The following POU6F2 variants were observed in gnomAD, a reference collection of about 807,000 sequenced individuals.
POU6F2 encodes POU class 6 homeobox 2, also known as POU domain, class 6, transcription factor 2.
Under a neutral mutation model 71.3 loss-of-function variants are expected in POU6F2, and 31 were observed. The ratio of observed to expected loss-of-function variants is 0.43; its 90% CI spans 0.33 to 0.59. The LOEUF (loss-of-function observed/expected upper bound fraction) is 0.59, where lower values mean the gene tolerates loss of function less well. Among genes scored for constraint, POU6F2 ranks in the 20% least tolerant of loss-of-function variants. The pLI is 0.04. For missense variants in POU6F2, 783 were observed against 856.8 expected (o/e 0.91, Z 1.07); for synonymous variants, 347 against 355.7 (o/e 0.98, Z 0.27).
In POU6F2 at chr7:39,433,427, T is replaced by C. The variant is rs1345433479; in HGVS notation, c.1320+144T>C. On this transcript the variant is annotated intron_variant, in intron 7 of 9. Transcript: ENST00000518318. ...TCTGAACATATCGATACTTATAAAA[T>C]GGCATGTAACTCTTTTTCATTCTTA... 4.6e-6 allele frequency: 4 copies of C among 862,812 alleles called. No homozygotes were observed. In the African/African-American group the frequency reaches 6.8e-5, roughly 15 times the overall value. The allele number at this position is 862,812 out of a possible 1,614,324, so 53.4% of individuals were successfully genotyped here. A position where few individuals can be genotyped will look rare whatever the true frequency, so the allele number is the denominator to read the frequency against.
chr7:39,179,531 G>GCA lies in POU6F2; in HGVS notation c.278-24703_278-24702insAC, dbSNP rs1793396334. Among the ~76,000 whole-genome samples the GCA allele has an allele frequency of 2.0e-5, 3 of 151,418 alleles. No individual in the cohort carries two copies. The East Asian group carries it at 5.8e-4, about 29-fold the overall frequency. Reference sequence around the variant, plus strand: ...ACTGAGACCGCACGCGCGCACATGCGCGCACACACACACACACACGCACAC... The same window carrying GCA: ...ACTGAGACCGCACGCGCGCACATGCGCACGCACACACACACACACACGCACAC... On this transcript the variant is annotated intron_variant, in intron 2 of 9. Coordinates refer to ENST00000518318, the MANE Select transcript of POU6F2 (RefSeq NM_001370959.1).
At chr7:39,309,382 G>C (rs114027902) in intron 4 of POU6F2, among the ~76,000 whole-genome samples, 2,076 of 152,294 alleles carry the variant, frequency 0.014, 40 homozygotes, top group African/African-American at 0.047. Flanking sequence ...ATTCAGTAGA[G>C]AAGAGGCAGG....
intron 4 of POU6F2, among the ~76,000 whole-genome samples, chr7:39,297,190 T>TAC (rs1554339590): frequency 3.4e-5 from 4 of 118,108 alleles, no homozygotes; most frequent in Non-Finnish European, 3.8e-5. Flanking sequence ...CAAACACACA[T>TAC]ACACATACAC....
At chr7:39,317,131 G>T (rs891029741) in intron 4 of POU6F2, among the ~76,000 whole-genome samples, 2 of 152,190 alleles carry the variant, frequency 1.3e-5, no homozygotes, top group Non-Finnish European at 2.9e-5. Flanking sequence ...CCCCTCCGCA[G>T]TAAGTTATCC....
chr7:39,396,784 C>T (rs1470120875), intron 5 of POU6F2, among the ~76,000 whole-genome samples: 5 of 152,110 alleles, frequency 3.3e-5, no homozygotes, highest in African/African-American at 1.2e-4. Context: ...AAGGCAGCCT[C>T]TTCAGCTTAG....
intron 4 of POU6F2, among the ~76,000 whole-genome samples, chr7:39,293,666 G>C (rs1784803012): frequency 6.6e-6 from 1 of 152,178 alleles, no homozygotes; most frequent in Non-Finnish European, 1.5e-5. Context: ...GGTGGAGTGG[G>C]CCAAGTCTTT....
chr7:39,171,764 C>T (rs1584581499), intron 2 of POU6F2, among the ~76,000 whole-genome samples: 2 of 152,190 alleles, frequency 1.3e-5, no homozygotes, highest in African/African-American at 2.4e-5. Context: ...GTGTAGACAG[C>T]AGCACCATCC....
intron 1 of POU6F2, among the ~76,000 whole-genome samples, chr7:39,005,919 C>A (rs1789052198): frequency 6.6e-6 from 1 of 152,150 alleles, no homozygotes; most frequent in Admixed American, 6.5e-5. Flanking sequence ...TATCCTCACA[C>A]GAATTCATAT....
intron 6 of POU6F2, among the ~76,000 whole-genome samples, chr7:39,429,590 T>TACAGAGAGAAGC (rs139478749): frequency 5.8e-4 from 88 of 152,302 alleles, no homozygotes; most frequent in African/African-American, 2.0e-3. Context: ...GAAGCAGTAT[T>TACAGAGAGAAGC]AGGCTGCTCT....
At chr7:39,213,135 G>A (rs1469412526) in intron 4 of POU6F2, among the ~76,000 whole-genome samples, 2 of 152,212 alleles carry the variant, frequency 1.3e-5, no homozygotes, top group Non-Finnish European at 2.9e-5. Context: ...TTCCAGTTAA[G>A]TCAAGCATAA....
chr7:39,284,278 T>C (rs1784614236), intron 4 of POU6F2, among the ~76,000 whole-genome samples: 1 of 152,208 alleles, frequency 6.6e-6, no homozygotes, highest in Non-Finnish European at 1.5e-5. Context: ...CCCAAAGTCT[T>C]CACAGTAGGG....
chr7:39,220,357 T>G (rs1794324435), intron 4 of POU6F2, among the ~76,000 whole-genome samples: 4 of 152,230 alleles, frequency 2.6e-5, no homozygotes, highest in Admixed American at 2.6e-4. Context: ...CTCTTTCTTT[T>G]GCAACTTGAT....
At chr7:39,383,593 T>C (rs1172732636) in intron 5 of POU6F2, among the ~76,000 whole-genome samples, 1 of 152,196 alleles carries the variant, frequency 6.6e-6, no homozygotes, top group Non-Finnish European at 1.5e-5. Flanking sequence ...AAATCAGCAC[T>C]GAGTTCATAT....
At chr7:39,122,896 C>T (rs1448033606) in intron 2 of POU6F2, among the ~76,000 whole-genome samples, 10 of 151,786 alleles carry the variant, frequency 6.6e-5, no homozygotes, top group African/African-American at 1.9e-4. Flanking sequence ...TTAGTAGAGA[C>T]GGGGTTTTGC....
rs556154404 is a variant in POU6F2 at position 39,460,930 on chromosome 7, A to C, written c.1658+215A>C. Among the ~76,000 whole-genome samples, 1 of 152,206 alleles carries C rather than the reference A, an allele frequency of 6.6e-6. No homozygotes were observed. The highest frequency in any genetic ancestry group is 2.1e-4 in the South Asian group (1 of 4,816). The stretch of plus-strand genomic sequence containing the variant: ...CTGGCTTGATAACTCCTGTCAACTC[A>C]CAAAGAACTTCCAAGGCAGTCTCAT... On this transcript the variant is annotated intron_variant, in intron 9 of 9. Coordinates refer to ENST00000518318, the MANE Select transcript of POU6F2 (RefSeq NM_001370959.1). The surrounding 1 kb of genome is among the most constrained non-coding windows in gnomAD (Gnocchi z 4.4).
At chr7:39,224,688 C>T (rs755758794) in intron 4 of POU6F2, among the ~76,000 whole-genome samples, 2 of 152,158 alleles carry the variant, frequency 1.3e-5, no homozygotes, top group Non-Finnish European at 2.9e-5. Context: ...AAAGCAAAAA[C>T]AATCACTGCT....
chr7:39,309,568 T>A (rs757265116), intron 4 of POU6F2, among the ~76,000 whole-genome samples: 27 of 152,126 alleles, frequency 1.8e-4, no homozygotes, highest in South Asian at 4.2e-4. Flanking sequence ...TTAAAAAAAA[T>A]TTTTTTTCCT....
At chr7:39,134,045 T>C (rs914201321) in intron 2 of POU6F2, among the ~76,000 whole-genome samples, 2 of 152,096 alleles carry the variant, frequency 1.3e-5, no homozygotes, top group Admixed American at 1.3e-4. Flanking sequence ...CGGCTAATTT[T>C]TTATTTTTTG....
Position 39,385,012 on chromosome 7 carries a change from A to G in POU6F2, c.973-21588A>G, listed in dbSNP as rs1336953496. 2.6e-5 allele frequency among the ~76,000 whole-genome samples: 4 copies of G among 152,326 alleles called. No homozygotes were observed. In the East Asian group the frequency reaches 7.7e-4, roughly 29 times the overall value. ...GTTGTTTTTTGTATATATGTGATTT[A>G]TAACCTGCCTGCACCCAAAAGGGAT... On this transcript the variant is annotated intron_variant, in intron 5 of 9. Transcript: ENST00000518318.
Sources: gnomAD v4.1 joint callset for allele counts (sites outside exome capture counted in the v4.1 genomes callset) on GRCh38, gnomAD v4.1.1 for gene constraint, Gnocchi (gnomAD v3.1) non-coding constraint, MANE v1.5 for transcripts, NCBI Gene and HGNC (gene_info 2026-07-23, HGNC 2026-07-21) for gene names.